The following ZEB2 variants were observed in gnomAD, a reference collection of about 807,000 sequenced individuals.
The protein encoded by ZEB2 is zinc finger E-box-binding homeobox 2.
In ZEB2, 6 loss-of-function variants were observed where a neutral mutation model predicts 99.9. The ratio of observed to expected loss-of-function variants is 0.06; its 90% confidence interval spans 0.03 to 0.12. ZEB2 has a LOEUF of 0.12. Among genes scored for constraint, ZEB2 ranks in the 10% least tolerant of loss-of-function variants. The pLI, the probability that ZEB2 is intolerant of heterozygous loss-of-function variation, is 1.00. For missense variants in ZEB2, 969 were observed against 1,502.8 expected, an observed-to-expected ratio of 0.64 and a Z score of 5.87; for synonymous variants, 517 against 542.5, an observed-to-expected ratio of 0.95 and a Z score of 0.65.
intron 2 of ZEB2, among the ~76,000 whole-genome samples, chr2:144,493,466 A>G (rs1381847775): frequency 6.6e-6 from 1 of 152,222 alleles, no homozygotes; most frequent in Non-Finnish European, 1.5e-5. Flanking sequence ...TGGAGAGTAA[A>G]TGGCAGAATC....
At chr2:144,489,776 C>A (rs1475767896) in intron 2 of ZEB2, among the ~76,000 whole-genome samples, 1 of 152,144 alleles carries the variant, frequency 6.6e-6, no homozygotes, top group Non-Finnish European at 1.5e-5. Context: ...GGAACACCTG[C>A]TTAGCATGAT....
At chr2:144,475,372 C>T (rs1334226320) in intron 2 of ZEB2, among the ~76,000 whole-genome samples, 1 of 152,128 alleles carries the variant, frequency 6.6e-6, no homozygotes, top group Non-Finnish European at 1.5e-5. Context: ...CTATTGTTTT[C>T]ACTTTGATCT....
intron 2 of ZEB2, among the ~76,000 whole-genome samples, chr2:144,457,764 A>G (rs10179303): frequency 0.091 from 13,859 of 152,138 alleles, 705 homozygotes; most frequent in Non-Finnish European, 0.11. Context: ...TTACATGCCA[A>G]TCTCCCCCCA....
intron 3 of ZEB2, 191 bp from the exon 4 acceptor site, chr2:144,425,058 A>G (rs546423293): frequency 7.2e-4 from 438 of 611,468 alleles, no homozygotes; most frequent in Non-Finnish European, 1.0e-3. Context: ...GAACTTATTT[A>G]CTTTAAGCAT....
intron 4 of ZEB2, among the ~76,000 whole-genome samples, chr2:144,408,186 T>A (rs1703412755): frequency 6.6e-6 from 1 of 152,214 alleles, no homozygotes; most frequent in Non-Finnish European, 1.5e-5. Context: ...ATCATCTTTG[T>A]ATCCTGGGCA....
chr2:144,511,555 C>T lies in ZEB2; in HGVS notation c.73+5723G>A, dbSNP rs1178734953. ...ATTATCGTTTTCCTTTTAAAAACTGCTTGATGAAGAAATACTTGGATCTTA... is the reference window on the plus strand; with the variant it reads ...ATTATCGTTTTCCTTTTAAAAACTGTTTGATGAAGAAATACTTGGATCTTA... On this transcript the variant is annotated intron_variant, in intron 2 of 9. Transcript: ENST00000627532. The T allele has an allele frequency of 1.3e-5, 17 of 1,279,104 alleles. No homozygotes were observed. In the East Asian group the frequency reaches 9.5e-4, roughly 71 times the overall value. The allele number at this position is 1,279,104 out of a possible 1,614,324, so 79.2% of individuals were successfully genotyped here. A position where few individuals can be genotyped will look rare whatever the true frequency, so the allele number is the denominator to read the frequency against.
At chr2:144,504,574 C>T (rs1429259785) in intron 2 of ZEB2, 1 of 152,144 alleles carries the variant, frequency 6.6e-6, no homozygotes, top group Non-Finnish European at 1.5e-5. Context: ...CCAGGGAAAA[C>T]CCTGAAACTG....
intron 4 of ZEB2, among the ~76,000 whole-genome samples, chr2:144,407,524 T>A (rs757536297): frequency 1.1e-4 from 16 of 152,212 alleles, no homozygotes; most frequent in African/African-American, 1.7e-4. Context: ...AAGTATTTGC[T>A]CATTGTTTTG....
At chr2:144,494,224 A>T (rs1391936134) in intron 2 of ZEB2, 1 of 151,854 alleles carries the variant, frequency 6.6e-6, no homozygotes, top group Admixed American at 6.6e-5. Flanking sequence ...ACACATGCAC[A>T]GACCCAATTC....
At chr2:144,482,899 C>A (rs1233577418) in intron 2 of ZEB2, among the ~76,000 whole-genome samples, 1 of 152,022 alleles carries the variant, frequency 6.6e-6, no homozygotes, top group Non-Finnish European at 1.5e-5. Flanking sequence ...TTATTCCTTG[C>A]ACTATGCTTC....
At chr2:144,481,394 C>T (rs1026647579) in intron 2 of ZEB2, among the ~76,000 whole-genome samples, 2 of 152,122 alleles carry the variant, frequency 1.3e-5, no homozygotes, top group Admixed American at 6.5e-5. Context: ...CCTGTTATGA[C>T]TTTTAACCCC....
At chr2:144,513,668 G>C (rs1311591667) in intron 2 of ZEB2, 3 of 1,535,046 alleles carry the variant, frequency 2.0e-6, no homozygotes, top group Non-Finnish European at 2.6e-6. Flanking sequence ...AGGGAAGCAG[G>C]AGCATCCCAG....
Position 144,520,079 on chromosome 2 carries a change from C to G in ZEB2, c.-210G>C, listed in dbSNP as rs1459537860. On this transcript the variant is annotated 5_prime_UTR_variant, in exon 1 of 10. Coordinates refer to ENST00000627532, the MANE Select transcript of ZEB2 (RefSeq NM_014795.4). The stretch of plus-strand genomic sequence containing the variant: ...TGTACAAAAACCTCGCCAAGAGTGT[C>G]GGGAGGCAGGACCGTTATTCCTGCA... 28 of 454,534 alleles carry G rather than the reference C, an allele frequency of 6.2e-5. No homozygotes were observed. Among genetic ancestry groups the G allele is most frequent in the Non-Finnish European group, 4.4e-6 (1 of 226,792 alleles). The allele number at this position is 454,534 out of a possible 1,614,324, so 28.2% of individuals were successfully genotyped here.
chr2:144,440,768 T>C (rs1209030159), intron 2 of ZEB2, among the ~76,000 whole-genome samples: 1 of 151,654 alleles, frequency 6.6e-6, no homozygotes, highest in African/African-American at 2.4e-5. Flanking sequence ...TACAAAAGGA[T>C]CCTGAGGCTT....
chr2:144,434,568 GT>G (rs1703813331), intron 2 of ZEB2, among the ~76,000 whole-genome samples: 1 of 152,024 alleles, frequency 6.6e-6, no homozygotes, highest in Non-Finnish European at 1.5e-5. Context: ...CAAATTCCCA[GT>G]GCAGAATGCA....
At chr2:144,435,754 A>G (rs952217938) in intron 2 of ZEB2, among the ~76,000 whole-genome samples, 1 of 152,128 alleles carries the variant, frequency 6.6e-6, no homozygotes, top group African/African-American at 2.4e-5. Context: ...ACATGTGGCA[A>G]GTGTCGGGAA....
chr2:144,425,452 G>A (rs1271327508), intron 3 of ZEB2, among the ~76,000 whole-genome samples: 3 of 152,082 alleles, frequency 2.0e-5, no homozygotes, highest in East Asian at 3.8e-4. Flanking sequence ...CTTCTAAAAC[G>A]TACCTGCCTT....
At chr2:144,391,510 CT>C (rs1703153903) in intron 9 of ZEB2, among the ~76,000 whole-genome samples, 1 of 152,184 alleles carries the variant, frequency 6.6e-6, no homozygotes, top group African/African-American at 2.4e-5. Context: ...CATTCCTTAA[CT>C]TTTGGAAAAG....
intron 2 of ZEB2, among the ~76,000 whole-genome samples, chr2:144,479,057 A>G (rs945950103): frequency 2.0e-5 from 3 of 152,252 alleles, no homozygotes; most frequent in Non-Finnish European, 4.4e-5. Flanking sequence ...AATGAGTGCT[A>G]CAATAAAATC....
Sources: allele counts gnomAD v4.1 joint callset (sites outside exome capture counted in the v4.1 genomes callset), GRCh38; gene constraint gnomAD v4.1.1; transcripts MANE v1.5; gene names NCBI Gene and HGNC (gene_info 2026-07-23, HGNC 2026-07-21).